Variants in ADARB2 observed in about 807,000 individuals in gnomAD.
ADARB2 encodes inactive double-stranded RNA-specific editase B2.
In ADARB2, 25 loss-of-function variants were observed where a neutral mutation model predicts 62.2. The ratio of observed to expected loss-of-function variants is 0.40; its 90% CI spans 0.29 to 0.56. The LOEUF is 0.56. ADARB2 is among the 20% of genes least tolerant of loss of function. ADARB2 has a pLI of 0.43. For synonymous variants in ADARB2, 572 were observed against 500.8 expected (o/e 1.14, Z -1.90); for missense variants, 1,071 against 1,077.4 (o/e 0.99, Z 0.08).
intron 1 of ADARB2, among the ~76,000 whole-genome samples, chr10:1,444,831 A>C: frequency 7.8e-6 from 1 of 127,922 alleles, no homozygotes; most frequent in Non-Finnish European, 1.7e-5. Context: ...CCATCCACCC[A>C]CCCACCCCAT....
At chr10:1,193,350 G>C (rs1334445425) in intron 8 of ADARB2, among the ~76,000 whole-genome samples, 1 of 152,170 alleles carries the variant, frequency 6.6e-6, no homozygotes, top group Non-Finnish European at 1.5e-5. Context: ...CATGGCAGAG[G>C]AAAGAATCTG....
chr10:1,695,681 G>C (rs1021357344), intron 1 of ADARB2, among the ~76,000 whole-genome samples: 1 of 152,122 alleles, frequency 6.6e-6, no homozygotes, highest in Non-Finnish European at 1.5e-5. Context: ...ATGTATGCAA[G>C]AAACATGAAT....
chr10:1,492,611 A>G (rs1167876540), intron 1 of ADARB2, among the ~76,000 whole-genome samples: 3 of 152,112 alleles, frequency 2.0e-5, no homozygotes, highest in African/African-American at 7.2e-5. Context: ...TGGCAGCCCT[A>G]GAAGGCTAAT....
chr10:1,284,800 G>A (rs1008737342), intron 3 of ADARB2, among the ~76,000 whole-genome samples: 5 of 152,136 alleles, frequency 3.3e-5, no homozygotes, highest in Non-Finnish European at 2.9e-5. Context: ...GTAAATCCTC[G>A]AGATATAGAA....
At chr10:1,677,086 G>A (rs1834475684) in intron 1 of ADARB2, among the ~76,000 whole-genome samples, 1 of 152,252 alleles carries the variant, frequency 6.6e-6, no homozygotes, top group Admixed American at 6.5e-5. Context: ...CTCAGGGCCT[G>A]AGGCCATTTC....
At chr10:1,277,798 C>T (rs1036151022) in intron 3 of ADARB2, among the ~76,000 whole-genome samples, 1 of 151,982 alleles carries the variant, frequency 6.6e-6, no homozygotes, top group Non-Finnish European at 1.5e-5. Context: ...AGAGACACAA[C>T]AAAAAAAGAG....
At position 1,426,120 on chromosome 10, in the gene ADARB2, A is replaced by G. The variant is rs1487787293; in HGVS notation, c.101-46960T>C. On this transcript the variant is annotated intron_variant, in intron 1 of 9. Transcript: ENST00000381312. This position sits in a 1 kb window ranked among gnomAD's most constrained non-coding sequence, Gnocchi z 4.1. ...TTTATGCTTGATCTATAATGACACA[A>G]CAAAACTCATATAGAGAAGGGGAAT... is the stretch of plus-strand genomic sequence containing the variant. Among the ~76,000 whole-genome samples, 1 of 152,198 alleles carries G rather than the reference A, an allele frequency of 6.6e-6. No individual in the cohort carries two copies. The highest frequency in any genetic ancestry group is 1.5e-5 in the Non-Finnish European group (1 of 68,028).
At chr10:1,430,671 C>A (rs533645286) in intron 1 of ADARB2, among the ~76,000 whole-genome samples, 38 of 151,686 alleles carry the variant, frequency 2.5e-4, no homozygotes, top group Non-Finnish European at 4.7e-4. Context: ...ATCTGGGAGG[C>A]GGAGGTTGCA....
chr10:1,696,582 C>A (rs756721323), intron 1 of ADARB2, among the ~76,000 whole-genome samples: 1 of 152,154 alleles, frequency 6.6e-6, no homozygotes, highest in Non-Finnish European at 1.5e-5. Context: ...AGGTGGTAGA[C>A]ATTTAGGCCT....
chr10:1,307,194 G>A (rs1404269610), intron 3 of ADARB2, among the ~76,000 whole-genome samples: 1 of 95,456 alleles, frequency 1.0e-5, no homozygotes, highest in African/African-American at 2.9e-5. Context: ...CTGACAAAGG[G>A]CTAATATCCA....
chr10:1,669,994 C>A (rs943372248), intron 1 of ADARB2, among the ~76,000 whole-genome samples: 1 of 152,178 alleles, frequency 6.6e-6, no homozygotes, highest in African/African-American at 2.4e-5. Context: ...GGGAAGAAAC[C>A]ATTCACGTGT....
At chr10:1,660,336 G>T (rs1485721549) in intron 1 of ADARB2, among the ~76,000 whole-genome samples, 1 of 152,246 alleles carries the variant, frequency 6.6e-6, no homozygotes, top group African/African-American at 2.4e-5. Context: ...TTCACTCTGT[G>T]TCAGAAATTA....
chr10:1,490,794 C>T (rs894194108), intron 1 of ADARB2, among the ~76,000 whole-genome samples: 53 of 152,128 alleles, frequency 3.5e-4, no homozygotes, highest in African/African-American at 1.3e-3. Flanking sequence ...ATGGCTCACC[C>T]AAGACAATAT....
intron 1 of ADARB2, among the ~76,000 whole-genome samples, chr10:1,637,700 C>T (rs1022601067): frequency 6.6e-5 from 10 of 152,120 alleles, no homozygotes; most frequent in Admixed American, 3.3e-4. Flanking sequence ...AAATGTGTTG[C>T]CACTCTTAAA....
intron 4 of ADARB2, among the ~76,000 whole-genome samples, chr10:1,261,890 G>C (rs1181296204): frequency 1.3e-5 from 2 of 149,006 alleles, no homozygotes; most frequent in African/African-American, 5.2e-5. Context: ...TTGGAACCAA[G>C]CCAAATGTCC....
At chr10:1,378,979 T>G (rs1832458373) in intron 2 of ADARB2, 95 bp downstream of exon 2, 2 of 1,030,222 alleles carry the variant, frequency 1.9e-6, no homozygotes, top group African/African-American at 1.6e-5. Context: ...CCCTCCCAGA[T>G]GACCCCAGGT....
At chr10:1,714,773 T>G (rs1455408727) in intron 1 of ADARB2, among the ~76,000 whole-genome samples, 1 of 152,226 alleles carries the variant, frequency 6.6e-6, no homozygotes, top group African/African-American at 2.4e-5. Context: ...GTGTATTTTA[T>G]AGCTGATTCT....
chr10:1,198,942 G>A (rs1589149004), intron 8 of ADARB2, among the ~76,000 whole-genome samples: 1 of 152,216 alleles, frequency 6.6e-6, no homozygotes, highest in Admixed American at 6.5e-5. Flanking sequence ...CTTGTGCTGC[G>A]CAAGCTTAAA....
rs746174896 is a variant in ADARB2 at position 1,185,062 on chromosome 10, C to T, written c.1865-23G>A. On this transcript the variant is annotated intron_variant, in intron 8 of 9. Coordinates refer to ENST00000381312, the MANE Select transcript of ADARB2 (RefSeq NM_018702.4). The stretch of plus-strand genomic sequence containing the variant: ...CGCCTGTCGGGGAGATGGGGAAAGG[C>T]GGGCGTTAATATTCCTGGCCTCACA... 65 of 1,602,202 alleles carry T rather than the reference C, an allele frequency of 4.1e-5. No individual in the cohort carries two copies. In the South Asian group the frequency reaches 5.4e-4, roughly 13 times the overall value.
Sources: allele counts gnomAD v4.1 joint callset (sites outside exome capture counted in the v4.1 genomes callset), GRCh38; gene constraint gnomAD v4.1.1; non-coding constraint Gnocchi (gnomAD v3.1); transcripts MANE v1.5; gene names NCBI Gene and HGNC (gene_info 2026-07-23, HGNC 2026-07-21).